SPHKAP: variants seen among roughly 807,000 people sequenced by gnomAD.
The protein encoded by SPHKAP is SPHK1 interactor, AKAP domain containing, also known as A-kinase anchor protein SPHKAP.
SPHKAP carries 67 observed loss-of-function variants against 137.5 expected under a neutral mutation model. The observed-to-expected ratio is 0.49, with a 90% CI of 0.40 to 0.60. The LOEUF is 0.60. Ranked by LOEUF, SPHKAP falls within the 20% of genes least tolerant of loss-of-function variation. The pLI, the probability that SPHKAP is intolerant of heterozygous loss-of-function variation, is 0.00. For missense variants in SPHKAP, 2,097 were observed against 2,069.3 expected (o/e 1.01, Z -0.26); for synonymous variants, 813 against 785.3 (o/e 1.04, Z -0.59).
At chr2:228,026,192 C>T (rs1695029839) in intron 4 of SPHKAP, among the ~76,000 whole-genome samples, 1 of 152,166 alleles carries the variant, frequency 6.6e-6, no homozygotes, top group South Asian at 2.1e-4. Flanking sequence ...ATCCAATAAA[C>T]CTCTTTCTTA....
At chr2:228,002,681 T>A (rs1264107814) in intron 7 of SPHKAP, among the ~76,000 whole-genome samples, 1 of 152,232 alleles carries the variant, frequency 6.6e-6, no homozygotes, top group Admixed American at 6.5e-5. Flanking sequence ...GGTTTTCTTC[T>A]AGGGTTTCTA....
intron 1 of SPHKAP, among the ~76,000 whole-genome samples, chr2:228,143,574 C>T (rs759978757): frequency 1.3e-4 from 20 of 151,730 alleles, no homozygotes; most frequent in Non-Finnish European, 2.8e-4. Context: ...TGGTTCACTG[C>T]AACCTCCGCC....
intron 3 of SPHKAP, among the ~76,000 whole-genome samples, chr2:228,069,672 G>T (rs1445278567): frequency 1.3e-5 from 2 of 151,798 alleles, no homozygotes; most frequent in African/African-American, 2.4e-5. Flanking sequence ...CAACTGAAAT[G>T]AACTCTGGCT....
chr2:228,084,242 C>G (rs180789445), intron 3 of SPHKAP, among the ~76,000 whole-genome samples: 15 of 152,094 alleles, frequency 9.9e-5, no homozygotes, highest in African/African-American at 3.6e-4. Context: ...ATAGGCAGTG[C>G]ATGTTCATAA....
Position 228,174,815 on chromosome 2 carries a change from T to C in SPHKAP, c.32+6752A>G, listed in dbSNP as rs981965086. Among the ~76,000 whole-genome samples the C allele has an allele frequency of 1.1e-4, 17 of 152,158 alleles. 1 individual carries two copies. The highest frequency in any genetic ancestry group is 3.9e-4 in the African/African-American group (16 of 41,436). On this transcript the variant is annotated intron_variant, in intron 1 of 11. Coordinates refer to ENST00000392056, the MANE Select transcript of SPHKAP (RefSeq NM_001142644.2). The stretch of plus-strand genomic sequence containing the variant: ...AAATGGTTCTGATGGAAAAGGCAGA[T>C]GGCATGCAAGCTCGCATGATTAGTT...
At chr2:228,162,506 T>G (rs959432611) in intron 1 of SPHKAP, among the ~76,000 whole-genome samples, 4 of 152,222 alleles carry the variant, frequency 2.6e-5, no homozygotes, top group African/African-American at 9.6e-5. Context: ...ATTATATTCA[T>G]GCAGCTATTC....
chr2:228,121,168 C>A (rs369519966), intron 2 of SPHKAP, among the ~76,000 whole-genome samples: 1 of 152,112 alleles, frequency 6.6e-6, no homozygotes, highest in African/African-American at 2.4e-5. Flanking sequence ...TTAATGGCCA[C>A]GTATCTCTTG....
At chr2:228,052,068 A>G (rs149823295) in intron 3 of SPHKAP, among the ~76,000 whole-genome samples, 17 of 152,146 alleles carry the variant, frequency 1.1e-4, no homozygotes, top group African/African-American at 4.1e-4. Flanking sequence ...ATTTTTCTCT[A>G]TTTTCTGTTT....
chr2:228,102,968 C>G (rs1698224128), intron 3 of SPHKAP, among the ~76,000 whole-genome samples: 2 of 152,158 alleles, frequency 1.3e-5, no homozygotes, highest in Admixed American at 1.3e-4. Flanking sequence ...TGGCCTCGAA[C>G]TCCTGGGCTC....
At chr2:227,998,246 C>A (rs944485751) in intron 7 of SPHKAP, among the ~76,000 whole-genome samples, 2 of 152,122 alleles carry the variant, frequency 1.3e-5, no homozygotes, top group Non-Finnish European at 2.9e-5. Flanking sequence ...GACCTGCACT[C>A]CTGGGCCTCC....
chr2:228,131,188 A>G, intron 2 of SPHKAP: 1 of 499,134 alleles, frequency 2.0e-6, no homozygotes, highest in Non-Finnish European at 2.6e-6. Flanking sequence ...ACATAACAAT[A>G]TGCTTAGTAA....
At chr2:228,058,553 G>C (rs1696528406) in intron 3 of SPHKAP, among the ~76,000 whole-genome samples, 1 of 152,144 alleles carries the variant, frequency 6.6e-6, no homozygotes, top group African/African-American at 2.4e-5. Flanking sequence ...TGTTAACGTT[G>C]CTGGAGGGAT....
intron 3 of SPHKAP, among the ~76,000 whole-genome samples, 167 bp downstream of exon 3, chr2:228,108,665 T>G (rs553337333): frequency 5.3e-5 from 8 of 152,348 alleles, no homozygotes; most frequent in African/African-American, 1.9e-4. Flanking sequence ...ACATTAGCTC[T>G]GAATGCTATT....
chr2:228,085,172 G>A (rs1332178117), intron 3 of SPHKAP, among the ~76,000 whole-genome samples: 1 of 152,188 alleles, frequency 6.6e-6, no homozygotes, highest in African/African-American at 2.4e-5. Context: ...TAAGCATTTG[G>A]AAAGGGTCTT....
In SPHKAP at chr2:228,027,323, A is replaced by T. The variant is rs79462296; in HGVS notation, c.306+161T>A. On this transcript the variant is annotated intron_variant, in intron 4 of 11. Transcript: ENST00000392056. ...CAAGTTTCACAAATGTAAAAAGGGC[A>T]AACGGTAGAGGGTAAGTGCTAGGGA... Among the ~76,000 whole-genome samples the T allele has an allele frequency of 3.1e-3, 474 of 152,336 alleles. 13 individuals carry two copies. Among genetic ancestry groups the T allele is most frequent in the East Asian group, 0.012 (61 of 5,178 alleles).
At chr2:228,075,300 T>C (rs1697143805) in intron 3 of SPHKAP, among the ~76,000 whole-genome samples, 1 of 152,240 alleles carries the variant, frequency 6.6e-6, no homozygotes, top group African/African-American at 2.4e-5. Flanking sequence ...GAGTAACACC[T>C]TAGTTAGGCT....
At chr2:228,061,284 T>G (rs1482610510) in intron 3 of SPHKAP, among the ~76,000 whole-genome samples, 3 of 152,042 alleles carry the variant, frequency 2.0e-5, no homozygotes, top group Non-Finnish European at 2.9e-5. Flanking sequence ...TTTTTTGAGA[T>G]GGAGTCTTGC....
chr2:228,056,766 T>A (rs957028297), intron 3 of SPHKAP, among the ~76,000 whole-genome samples: 1 of 152,180 alleles, frequency 6.6e-6, no homozygotes, highest in East Asian at 1.9e-4. Context: ...TAGATAGAAT[T>A]ACTTTTATAC....
At chr2:227,987,175 C>T (rs1187134063) in intron 11 of SPHKAP, among the ~76,000 whole-genome samples, 1 of 152,190 alleles carries the variant, frequency 6.6e-6, no homozygotes, top group African/African-American at 2.4e-5. Context: ...GGCTCCACTA[C>T]CAGAAAGTGA....
Sources: allele counts gnomAD v4.1 joint callset (sites outside exome capture counted in the v4.1 genomes callset), GRCh38; gene constraint gnomAD v4.1.1; transcripts MANE v1.5; gene names NCBI Gene and HGNC (gene_info 2026-07-23, HGNC 2026-07-21).